PDE4B: variants seen among roughly 807,000 people sequenced by gnomAD.
PDE4B encodes the protein 3',5'-cyclic-AMP phosphodiesterase 4B.
PDE4B carries 20 observed loss-of-function variants against 82.2 expected under a neutral mutation model. That is an observed-to-expected ratio of 0.24 (90% confidence interval 0.17 to 0.35). PDE4B has a LOEUF of 0.35. PDE4B is among the 10% of genes least tolerant of loss of function. PDE4B has a pLI of 1.00. For missense variants in PDE4B, 655 were observed against 907.2 expected (o/e 0.72, Z 3.57); for synonymous variants, 320 against 318.9 (o/e 1.00, Z -0.04).
chr1:66,183,961 A>T (rs190957262), intron 3 of PDE4B, among the ~76,000 whole-genome samples: 1 of 152,252 alleles, frequency 6.6e-6, no homozygotes, highest in African/African-American at 2.4e-5. Flanking sequence ...ATGTTTCAAT[A>T]GGTAAAGATG....
chr1:65,993,703 A>G (rs1423200892), intron 3 of PDE4B, among the ~76,000 whole-genome samples: 6 of 152,170 alleles, frequency 3.9e-5, no homozygotes, highest in Admixed American at 3.9e-4. Context: ...CTGAAATTGC[A>G]TGGTCAGTTA....
At chr1:66,123,632 A>T (rs1395981608) in intron 3 of PDE4B, among the ~76,000 whole-genome samples, 1 of 151,670 alleles carries the variant, frequency 6.6e-6, no homozygotes, top group African/African-American at 2.4e-5. Context: ...TAAGCTGGCA[A>T]ATATTGCCCT....
At chr1:66,314,749 A>G (rs1570676558) in intron 7 of PDE4B, among the ~76,000 whole-genome samples, 1 of 152,074 alleles carries the variant, frequency 6.6e-6, no homozygotes, top group Non-Finnish European at 1.5e-5. Flanking sequence ...AGTGAAACCT[A>G]TCTTGTCTCT....
intron 3 of PDE4B, among the ~76,000 whole-genome samples, chr1:66,206,309 G>A (rs1338638103): frequency 1.3e-5 from 2 of 152,102 alleles, no homozygotes. Flanking sequence ...CTGATTCAGT[G>A]TCCCTGAACG....
At chr1:65,905,982 A>C (rs1647024098) in intron 1 of PDE4B, among the ~76,000 whole-genome samples, 1 of 152,042 alleles carries the variant, frequency 6.6e-6, no homozygotes, top group Non-Finnish European at 1.5e-5. Flanking sequence ...TCTTTTGTTG[A>C]TGTTGTTGTT....
At chr1:65,939,585 T>C (rs574821722) in intron 3 of PDE4B, among the ~76,000 whole-genome samples, 52 of 152,236 alleles carry the variant, frequency 3.4e-4, no homozygotes, top group African/African-American at 1.2e-3. Flanking sequence ...CTGGGGGAGA[T>C]ATACAGTCAT....
At chr1:65,912,248 T>G (rs1366059862) in intron 1 of PDE4B, among the ~76,000 whole-genome samples, 2 of 152,202 alleles carry the variant, frequency 1.3e-5, no homozygotes, top group African/African-American at 2.4e-5. Context: ...TTTAAAAATT[T>G]TATTTTAGAC....
intron 3 of PDE4B, among the ~76,000 whole-genome samples, chr1:66,041,193 A>G (rs1570061398): frequency 6.6e-6 from 1 of 152,114 alleles, no homozygotes; most frequent in East Asian, 1.9e-4. Context: ...TAATGGCACA[A>G]AGATAAACTG....
At chr1:66,312,357 ACT>A (rs67443823) in intron 7 of PDE4B, among the ~76,000 whole-genome samples, 5,036 of 152,090 alleles carry the variant, frequency 0.033, 266 homozygotes, top group African/African-American at 0.12. Context: ...CTTTCTAGAG[ACT>A]CTAAGGGAAC....
intron 3 of PDE4B, among the ~76,000 whole-genome samples, chr1:66,075,028 G>A (rs1256997206): frequency 6.6e-6 from 1 of 152,012 alleles, no homozygotes. Flanking sequence ...GGTGATGTTA[G>A]ACAGCAATTT....
intron 1 of PDE4B, among the ~76,000 whole-genome samples, chr1:65,795,756 T>C (rs530598170): frequency 6.6e-6 from 1 of 152,352 alleles, no homozygotes; most frequent in East Asian, 1.9e-4. Flanking sequence ...GCAGCTCTAC[T>C]TCTCTCTTTG....
chr1:66,053,455 A>G (rs568100176), intron 3 of PDE4B, among the ~76,000 whole-genome samples: 1 of 152,330 alleles, frequency 6.6e-6, no homozygotes, highest in South Asian at 2.1e-4. Flanking sequence ...TATTTCTTTG[A>G]ACAACCCAGC....
intron 3 of PDE4B, among the ~76,000 whole-genome samples, chr1:66,222,192 G>T (rs932624230): frequency 6.6e-6 from 1 of 152,174 alleles, no homozygotes; most frequent in Non-Finnish European, 1.5e-5. Flanking sequence ...AAGCAGAAAG[G>T]CAAATGAGGG....
chr1:66,106,812 A>T (rs530087119), intron 3 of PDE4B, among the ~76,000 whole-genome samples: 1 of 118,442 alleles, frequency 8.4e-6, no homozygotes, highest in Non-Finnish European at 1.9e-5. Context: ...TATTGCATCT[A>T]TTTGATTCTT....
chr1:65,865,215 G>A (rs565549299), intron 1 of PDE4B, among the ~76,000 whole-genome samples: 5 of 152,282 alleles, frequency 3.3e-5, no homozygotes, highest in South Asian at 2.1e-4. Flanking sequence ...CAGTAATGGC[G>A]GATGTCCTTC....
chr1:66,056,086 C>CTT (rs1304741122), intron 3 of PDE4B, among the ~76,000 whole-genome samples: 2 of 152,158 alleles, frequency 1.3e-5, no homozygotes, highest in African/African-American at 4.8e-5. Context: ...GTGATGCTTA[C>CTT]TTTATTTATG....
chr1:66,023,213 C>T (rs1653241719), intron 3 of PDE4B, among the ~76,000 whole-genome samples: 1 of 152,134 alleles, frequency 6.6e-6, no homozygotes, highest in Non-Finnish European at 1.5e-5. Context: ...GTAGTTAATG[C>T]AGCTGTACTT....
rs1168144080 is a variant in PDE4B at position 66,162,305 on chromosome 1, C to CTTTTTTTTTTTTTT, written c.282-85140_282-85127dup. Among the ~76,000 whole-genome samples, 103 of 40,310 alleles carry CTTTTTTTTTTTTTT rather than the reference C, an allele frequency of 2.6e-3. 21 individuals are homozygous for CTTTTTTTTTTTTTT. The highest frequency in any genetic ancestry group is 3.5e-3 in the Non-Finnish European group (79 of 22,642). 26.4% of individuals were successfully genotyped at this position (40,310 alleles called of 152,430 possible). On this transcript the variant is annotated intron_variant, in intron 3 of 16. Coordinates refer to ENST00000341517, the MANE Select transcript of PDE4B (RefSeq NM_002600.4). ...TTGGTGGTAAGGTTCATGGACTTCT[C>CTTTTTTTTTTTTTT]TTTTTTTTTTTTTTTTTTTTTTTTT...
rs964314688 is a variant in PDE4B, at chr1:66,354,372, G to C, written c.748-1155G>C. 1.1e-5 allele frequency: 11 copies of C among 985,656 alleles called. No individual in the cohort carries two copies. In the African/African-American group the frequency reaches 1.7e-4, roughly 16 times the overall value. 61.1% of individuals were successfully genotyped at this position (985,656 alleles called of 1,614,324 possible). The stretch of plus-strand genomic sequence containing the variant: ...TTCAGATTTACTTAAATATTCATGG[G>C]GCTTCCTCCATTTTAATCTTCTCCT... On this transcript the variant is annotated intron_variant, in intron 8 of 16. Transcript: ENST00000341517.
Sources: allele counts gnomAD v4.1 joint callset (sites outside exome capture counted in the v4.1 genomes callset), GRCh38; gene constraint gnomAD v4.1.1; transcripts MANE v1.5; gene names NCBI Gene and HGNC (gene_info 2026-07-23, HGNC 2026-07-21).